Variants in BOLL observed in about 807,000 individuals in gnomAD.
The protein encoded by BOLL is boule RNA binding protein.
A neutral mutation model predicts 44.4 loss-of-function variants in BOLL; 23 were observed. The ratio of observed to expected loss-of-function variants is 0.52; its 90% CI spans 0.37 to 0.73. The LOEUF (loss-of-function observed/expected upper bound fraction) is 0.73. Among genes scored for constraint, BOLL ranks in the 30% least tolerant of loss-of-function variants. The pLI is 0.00. For synonymous variants in BOLL, 97 were observed against 110.8 expected (o/e 0.88, Z 0.78); for missense variants, 287 against 338.3 (o/e 0.85, Z 1.19).
chr2:197,768,935 G>A (rs748948407), intron 6 of BOLL, among the ~76,000 whole-genome samples: 7 of 151,028 alleles, frequency 4.6e-5, no homozygotes, highest in East Asian at 1.9e-4. Context: ...GGTTTTTGTC[G>A]TTGGGTCTGT....
At chr2:197,759,546 C>T (rs1487911687) in intron 7 of BOLL, among the ~76,000 whole-genome samples, 2 of 152,158 alleles carry the variant, frequency 1.3e-5, no homozygotes, top group South Asian at 2.1e-4. Context: ...AGCTATTGCA[C>T]GTCTCCAGTA....
At chr2:197,756,035 T>C (rs1011176550) in intron 9 of BOLL, 3 of 152,394 alleles carry the variant, frequency 2.0e-5, no homozygotes, top group African/African-American at 7.2e-5. Context: ...ATAAATTTAA[T>C]TTACATTTTT....
intron 5 of BOLL, 148 bp from the exon 6 acceptor site, chr2:197,772,130 C>A (rs1021292920): frequency 4.8e-6 from 3 of 620,438 alleles, no homozygotes; most frequent in Non-Finnish European, 7.1e-6. Context: ...TAAAAAATTC[C>A]TTATGTCAAA....
rs1028264537 is a variant in BOLL at position 197,753,296 on chromosome 2, A to G, written c.729+3132T>C. Among the ~76,000 whole-genome samples the G allele has an allele frequency of 3.3e-5, 5 of 152,366 alleles. No homozygotes were observed. The East Asian group carries it at 5.8e-4, about 18-fold the overall frequency. ...AAGCCAAAATTGACAAATGGGATCT[A>G]ATTAGACTAAAGAGCTTCTGAACAG... On this transcript the variant is annotated intron_variant, in intron 9 of 10. Coordinates refer to ENST00000392296, the MANE Select transcript of BOLL (RefSeq NM_033030.6).
intron 4 of BOLL, 41 bp downstream of exon 4, chr2:197,777,018 A>G (rs759555811): frequency 2.1e-6 from 3 of 1,456,926 alleles, no homozygotes; most frequent in African/African-American, 2.9e-5. Flanking sequence ...TTCAAATACA[A>G]AATTTCCAGA....
chr2:197,756,357 A>T (rs1333684959), intron 9 of BOLL, 71 bp downstream of exon 9: 7 of 1,349,432 alleles, frequency 5.2e-6, no homozygotes, highest in African/African-American at 1.5e-5. Flanking sequence ...GAACAAATTT[A>T]AAAAAGAGAA....
chr2:197,753,613 G>A (rs1019255915), intron 9 of BOLL, among the ~76,000 whole-genome samples: 3 of 152,094 alleles, frequency 2.0e-5, no homozygotes, highest in Non-Finnish European at 4.4e-5. Context: ...TTAGAATGGC[G>A]ATCACTAAAA....
chr2:197,784,905 C>T (rs753144865), intron 1 of BOLL, 151 bp downstream of exon 1: 12 of 987,122 alleles, frequency 1.2e-5, no homozygotes, highest in Non-Finnish European at 1.4e-5. Context: ...GGTTTGAAGG[C>T]TCCTCCGTTT....
At chr2:197,772,851 C>T (rs548287017) in intron 5 of BOLL, among the ~76,000 whole-genome samples, 193 of 152,056 alleles carry the variant, frequency 1.3e-3, no homozygotes, top group Non-Finnish European at 2.3e-3. Flanking sequence ...CTCAAAATTT[C>T]CCATAAATTA....
chr2:197,765,913 T>G (rs2106366079), intron 7 of BOLL, among the ~76,000 whole-genome samples: 1 of 152,266 alleles, frequency 6.6e-6, no homozygotes, highest in East Asian at 1.9e-4. Context: ...TTCTCATCAT[T>G]TAGCTCACAC....
chr2:197,731,499 A>C (rs1687176161), intron 10 of BOLL, among the ~76,000 whole-genome samples: 1 of 135,646 alleles, frequency 7.4e-6, no homozygotes, highest in Admixed American at 7.4e-5. Context: ...ACCCCAAATC[A>C]ACAGAATATA....
chr2:197,769,692 T>A (rs1689149933), intron 6 of BOLL, among the ~76,000 whole-genome samples: 1 of 152,042 alleles, frequency 6.6e-6, no homozygotes, highest in South Asian at 2.1e-4. Context: ...TCACAAGCAT[T>A]CCTATACACA....
intron 10 of BOLL, among the ~76,000 whole-genome samples, chr2:197,731,682 A>G (rs906643297): frequency 6.6e-6 from 1 of 151,866 alleles, no homozygotes; most frequent in Non-Finnish European, 1.5e-5. Flanking sequence ...GCTCAAATAC[A>G]TGGAAACTGA....
rs373702222 is a variant in BOLL at position 197,740,199 on chromosome 2, G to C, written c.828+2862C>G. 1.9e-4 allele frequency among the ~76,000 whole-genome samples: 29 copies of C among 152,232 alleles called. 1 individual carries two copies. Among genetic ancestry groups the C allele is most frequent in the African/African-American group, 6.5e-4 (27 of 41,560 alleles). Reference sequence around the variant, plus strand: ...TGAAGGGTCACGAGAAGACCGGGAGGCTCCTTAAAGTAGACTGTCTTGGTA... The same window carrying C: ...TGAAGGGTCACGAGAAGACCGGGAGCCTCCTTAAAGTAGACTGTCTTGGTA... On this transcript the variant is annotated intron_variant, in intron 10 of 10. Transcript: ENST00000392296.
At chr2:197,747,195 C>T (rs1317512588) in intron 9 of BOLL, among the ~76,000 whole-genome samples, 2 of 151,986 alleles carry the variant, frequency 1.3e-5, no homozygotes, top group African/African-American at 2.4e-5. Flanking sequence ...TACATATATC[C>T]AACCATCATG....
At position 197,753,410 on chromosome 2, in the gene BOLL, T is replaced by G. The variant is rs181401572; in HGVS notation, c.729+3018A>C. Reference sequence around the variant, plus strand: ...ATCCATCTGACAATAGGCTAATATCTAGAATCTAAACAGAACTTAAACAAA... The same window carrying G: ...ATCCATCTGACAATAGGCTAATATCGAGAATCTAAACAGAACTTAAACAAA... On this transcript the variant is annotated intron_variant, in intron 9 of 10. Transcript: ENST00000392296. Among the ~76,000 whole-genome samples the G allele has an allele frequency of 1.5e-3, 228 of 152,206 alleles. 1 individual carries two copies. The highest frequency in any genetic ancestry group is 2.7e-3 in the Non-Finnish European group (185 of 68,000).
At chr2:197,746,438 C>T (rs149489236) in intron 9 of BOLL, among the ~76,000 whole-genome samples, 1 of 152,098 alleles carries the variant, frequency 6.6e-6, no homozygotes, top group East Asian at 1.9e-4. Context: ...AATGTAGTAT[C>T]CATATACACA....
In BOLL at chr2:197,728,207, G is replaced by A; in HGVS notation, c.*348C>T. ...AACATAACATCTAATTGTTTGATAA[G>A]AAAAAATAACACAAAGCAGAGAAAA... is the stretch of plus-strand genomic sequence containing the variant. On this transcript the variant is annotated 3_prime_UTR_variant, in exon 11 of 11. Transcript: ENST00000392296. 1 of 386,988 alleles carries A rather than the reference G, an allele frequency of 2.6e-6. No individual in the cohort carries two copies. The highest frequency in any genetic ancestry group is 6.5e-4 in the Middle Eastern group (1 of 1,528). The allele number at this position is 386,988 out of a possible 1,614,324, so 24.0% of individuals were successfully genotyped here.
chr2:197,737,181 A>G (rs1368038033), intron 10 of BOLL, among the ~76,000 whole-genome samples: 1 of 152,128 alleles, frequency 6.6e-6, no homozygotes, highest in East Asian at 1.9e-4. Context: ...CCTCTAATAC[A>G]TACGTTCTTA....
Sources: allele counts gnomAD v4.1 joint callset (sites outside exome capture counted in the v4.1 genomes callset), GRCh38; gene constraint gnomAD v4.1.1; transcripts MANE v1.5; gene names NCBI Gene and HGNC (gene_info 2026-07-23, HGNC 2026-07-21).